The following PIK3CB variants were observed in gnomAD, a reference collection of about 807,000 sequenced individuals.
PIK3CB encodes phosphatidylinositol 4,5-bisphosphate 3-kinase catalytic subunit beta isoform.
In PIK3CB, 39 loss-of-function variants were observed where a neutral mutation model predicts 136.8. That is an observed-to-expected ratio of 0.29 (90% CI 0.22 to 0.37). PIK3CB has a LOEUF of 0.37. Ranked by LOEUF, PIK3CB falls within the 10% of genes least tolerant of loss-of-function variation. The pLI is 1.00. For synonymous variants in PIK3CB, 428 were observed against 436.6 expected, an observed-to-expected ratio of 0.98 and a Z score of 0.25; for missense variants, 868 against 1,275.4, an observed-to-expected ratio of 0.68 and a Z score of 4.87.
chr3:138,726,688 C>A (rs1413726344), intron 8 of PIK3CB, among the ~76,000 whole-genome samples: 1 of 152,136 alleles, frequency 6.6e-6, no homozygotes, highest in Non-Finnish European at 1.5e-5. Context: ...AGACTTTAGG[C>A]AACACTGAGT....
intron 8 of PIK3CB, among the ~76,000 whole-genome samples, chr3:138,722,281 T>A (rs1474446534): frequency 6.6e-6 from 1 of 150,666 alleles, no homozygotes; most frequent in African/African-American, 2.4e-5. Context: ...CCTCAAATAA[T>A]CTGTAAAATG....
intron 10 of PIK3CB, among the ~76,000 whole-genome samples, chr3:138,709,081 C>CA (rs60224543): frequency 0.08 from 11,321 of 141,828 alleles, 970 homozygotes; most frequent in African/African-American, 0.22. Context: ...CCATATGTGG[C>CA]AAAAAAAAAA....
At chr3:138,764,532 AG>A (rs2045707167) in intron 2 of PIK3CB, among the ~76,000 whole-genome samples, 1 of 152,230 alleles carries the variant, frequency 6.6e-6, no homozygotes, top group African/African-American at 2.4e-5. Context: ...TGGGAGGCCA[AG>A]GTGGAAGAAC....
intron 2 of PIK3CB, among the ~76,000 whole-genome samples, chr3:138,790,052 A>G (rs1435239391): frequency 6.6e-6 from 1 of 152,346 alleles, no homozygotes; most frequent in Non-Finnish European, 1.5e-5. Context: ...CCTTAAAAAT[A>G]TAATGCCAAG....
chr3:138,738,018 T>C (rs545576435), intron 5 of PIK3CB, 132 bp from the exon 6 acceptor site: 2 of 444,224 alleles, frequency 4.5e-6, no homozygotes, highest in Admixed American at 8.5e-5. Flanking sequence ...TAACAAATTT[T>C]ATATGGATGC....
At chr3:138,694,974 A>G in intron 13 of PIK3CB, 67 bp from the exon 14 acceptor site, 1 of 1,480,326 alleles carries the variant, frequency 6.8e-7, no homozygotes, top group South Asian at 1.3e-5. Context: ...TCCTTGACAC[A>G]CAGGAGCACC....
intron 1 of PIK3CB, among the ~76,000 whole-genome samples, chr3:138,815,731 A>G (rs1372826519): frequency 6.6e-6 from 1 of 152,192 alleles, no homozygotes; most frequent in South Asian, 2.1e-4. Flanking sequence ...CACAGTATAC[A>G]GGAGGATGTG....
At chr3:138,821,208 C>T (rs781106352) in intron 1 of PIK3CB, among the ~76,000 whole-genome samples, 1 of 151,338 alleles carries the variant, frequency 6.6e-6, no homozygotes, top group African/African-American at 2.4e-5. Context: ...CCCTTGAACC[C>T]GGGAGTCGGA....
chr3:138,683,716 C>G lies in PIK3CB; in HGVS notation c.2387G>C (p.Gly796Ala). The G allele has an allele frequency of 6.2e-7, 1 of 1,603,142 alleles. No individual in the cohort carries two copies. ...LWLVYNNKVF[G>A]EDSVGVIFKN... ...AAAAATCACTCCAACTGAATCCTCACCAAATACCTTGTTATTGTATACCAG... is the reference window on the plus strand; with the variant it reads ...AAAAATCACTCCAACTGAATCCTCAGCAAATACCTTGTTATTGTATACCAG... Residue 796 changes from glycine (G) to alanine (A), a missense_variant, in exon 18 of 24, where the codon GGT (glycine) becomes GCT (alanine). Coordinates refer to ENST00000674063, the MANE Select transcript of PIK3CB (RefSeq NM_006219.3).
At chr3:138,707,605 G>T (rs1479814664) in intron 10 of PIK3CB, 6 of 1,070,414 alleles carry the variant, frequency 5.6e-6, no homozygotes, top group Non-Finnish European at 6.8e-6. Flanking sequence ...AAATTAGGTG[G>T]CCCATAGAAA....
intron 1 of PIK3CB, among the ~76,000 whole-genome samples, chr3:138,828,477 G>A (rs1000816154): frequency 7.2e-5 from 11 of 151,940 alleles, no homozygotes; most frequent in African/African-American, 2.7e-4. Flanking sequence ...AAACCACAGC[G>A]CCCAGCCCCA....
rs1559815795 is a variant in PIK3CB at position 138,688,864 on chromosome 3, C to A, written c.2136+11G>T. Reference sequence around the variant, plus strand: ...AAAAAGAAAAAATGAATAAATAAAACAAGCTGATACCTGCTTAGAAAGCAC... The same window carrying A: ...AAAAAGAAAAAATGAATAAATAAAAAAAGCTGATACCTGCTTAGAAAGCAC... On this transcript the variant is annotated intron_variant, in intron 16 of 23. Coordinates refer to ENST00000674063, the MANE Select transcript of PIK3CB (RefSeq NM_006219.3). 1 of 1,565,054 alleles carries A rather than the reference C, an allele frequency of 6.4e-7. No individual in the cohort carries two copies. Among genetic ancestry groups the A allele is most frequent in the East Asian group, 2.2e-5 (1 of 44,562 alleles).
chr3:138,731,899 C>T (rs537715043), intron 8 of PIK3CB, among the ~76,000 whole-genome samples: 2 of 151,862 alleles, frequency 1.3e-5, no homozygotes, highest in Admixed American at 6.6e-5. Context: ...AGAAGAATTG[C>T]TTGAACCCGG....
intron 22 of PIK3CB, 64 bp downstream of exon 22, chr3:138,657,626 G>C: frequency 3.6e-6 from 5 of 1,372,012 alleles, no homozygotes; most frequent in Non-Finnish European, 5.1e-6. Flanking sequence ...AAGAAATGCT[G>C]GTCCACCTGG....
intron 8 of PIK3CB, among the ~76,000 whole-genome samples, chr3:138,718,534 T>C (rs1208469850): frequency 2.0e-5 from 3 of 152,242 alleles, no homozygotes; most frequent in African/African-American, 7.2e-5. Context: ...ATCCCACTTG[T>C]CAATTTTTGC....
chr3:138,794,447 A>C lies in PIK3CB; in HGVS notation c.-17+2016T>G, dbSNP rs562185301. On this transcript the variant is annotated intron_variant, in intron 2 of 23. Coordinates refer to ENST00000674063, the MANE Select transcript of PIK3CB (RefSeq NM_006219.3). The stretch of plus-strand genomic sequence containing the variant: ...GATTGCTGAGCAATAGTAAAGGCCT[A>C]GTTTGAGATAAGCTAGCATGACATG... Among the ~76,000 whole-genome samples, 4 of 152,214 alleles carry C rather than the reference A, an allele frequency of 2.6e-5. 1 individual carries two copies. The South Asian group carries it at 8.3e-4, about 32-fold the overall frequency.
chr3:138,701,569 G>A (rs192616228), intron 12 of PIK3CB, among the ~76,000 whole-genome samples: 54 of 152,042 alleles, frequency 3.6e-4, no homozygotes, highest in Middle Eastern at 6.8e-3. Flanking sequence ...GGCAGATCAC[G>A]GGGTCAAGAG....
chr3:138,712,732 A>G (rs946877612), intron 9 of PIK3CB, among the ~76,000 whole-genome samples: 4 of 151,972 alleles, frequency 2.6e-5, no homozygotes, highest in African/African-American at 9.7e-5. Context: ...ACACCCAGCT[A>G]ATTTTTGTCC....
chr3:138,766,003 C>CA (rs113263986), intron 2 of PIK3CB, among the ~76,000 whole-genome samples: 2,227 of 152,282 alleles, frequency 0.015, 66 homozygotes, highest in African/African-American at 0.05. Context: ...AAAATATTAA[C>CA]AAACATATAA....
Sources: allele counts gnomAD v4.1 joint callset (sites outside exome capture counted in the v4.1 genomes callset), GRCh38; gene constraint gnomAD v4.1.1; transcripts MANE v1.5; gene names NCBI Gene and HGNC (gene_info 2026-07-23, HGNC 2026-07-21).